The following RELN variants were observed in gnomAD, a reference collection of about 807,000 sequenced individuals.
RELN encodes reelin.
In RELN, 108 loss-of-function variants were observed where a neutral mutation model predicts 427.6. The observed-to-expected ratio is 0.25, with a 90% CI of 0.22 to 0.30. RELN has a LOEUF of 0.30. Ranked by LOEUF, RELN falls within the 10% of genes least tolerant of loss-of-function variation. RELN has a pLI of 1.00. For missense variants in RELN, 3,715 were observed against 4,302.8 expected (o/e 0.86, Z 3.82); for synonymous variants, 1,524 against 1,513.4 (o/e 1.01, Z -0.16).
Position 103,574,081 on chromosome 7 carries a change from A to G in RELN, c.4511+11T>C. Reference sequence around the variant, plus strand: ...TGTTTGTGAAAAAGTATACCAGTTAATACTTGTTACCTGATATTCCTGGTG... The same window carrying G: ...TGTTTGTGAAAAAGTATACCAGTTAGTACTTGTTACCTGATATTCCTGGTG... On this transcript the variant is annotated intron_variant, in intron 30 of 64. Transcript: ENST00000428762. The G allele has an allele frequency of 6.2e-7, 1 of 1,601,750 alleles. No individual in the cohort carries two copies. Among genetic ancestry groups the G allele is most frequent in the Non-Finnish European group, 8.6e-7 (1 of 1,168,730 alleles).
intron 3 of RELN, among the ~76,000 whole-genome samples, chr7:103,791,925 C>T (rs1248678404): frequency 6.6e-6 from 1 of 151,966 alleles, no homozygotes; most frequent in Non-Finnish European, 1.5e-5. Flanking sequence ...ACAATTTGAA[C>T]AGACATTTAT....
chr7:103,811,047 G>C (rs1472877711), intron 3 of RELN, among the ~76,000 whole-genome samples: 1 of 152,060 alleles, frequency 6.6e-6, no homozygotes, highest in African/African-American at 2.4e-5. Context: ...ATTTTGATTT[G>C]GCATTAATGT....
intron 2 of RELN, among the ~76,000 whole-genome samples, chr7:103,888,303 G>A (rs1794769653): frequency 6.6e-6 from 1 of 151,576 alleles, no homozygotes; most frequent in South Asian, 2.1e-4. Flanking sequence ...TGAAGTGAAG[G>A]TATAGAGAGA....
intron 3 of RELN, among the ~76,000 whole-genome samples, chr7:103,782,474 C>G (rs1312746778): frequency 1.3e-5 from 2 of 152,094 alleles, no homozygotes; most frequent in African/African-American, 4.8e-5. Flanking sequence ...ACTATTACTT[C>G]AAGATATTAA....
Position 103,619,420 on chromosome 7 carries a change from T to C in RELN, c.2703-7617A>G, listed in dbSNP as rs1285995524. On this transcript the variant is annotated intron_variant, in intron 20 of 64. Coordinates refer to ENST00000428762, the MANE Select transcript of RELN (RefSeq NM_005045.4). ...CCCTTCTGTTGAAGTCCAGATTCCA[T>C]TTTCAGCCCGGCCACTTGCCTGTGT... Among the ~76,000 whole-genome samples, 9 of 152,270 alleles carry C rather than the reference T, an allele frequency of 5.9e-5. No individual in the cohort carries two copies. In the South Asian group the frequency reaches 1.0e-3, roughly 18 times the overall value.
intron 58 of RELN, 131 bp from the exon 59 acceptor site, chr7:103,490,960 T>G: frequency 6.2e-6 from 5 of 805,046 alleles, no homozygotes; most frequent in Non-Finnish European, 9.9e-6. Flanking sequence ...CTATAAACAT[T>G]TATAATTACA....
Position 103,539,235 on chromosome 7 carries a change from G to A in RELN, c.7023C>T (p.Gly2341=). The A allele has an allele frequency of 6.2e-7, 1 of 1,614,244 alleles. No individual in the cohort carries two copies. Residue 2341 remains glycine, a synonymous_variant, in exon 45 of 65, where the codon GGC becomes GGT. Coordinates refer to ENST00000428762, the MANE Select transcript of RELN (RefSeq NM_005045.4). ...TAGAGCCACACACGGGCATCTTGGT[G>A]CCTCCTGGGTGAAGCAGCCATTTCC... ...DSRKWLLHPG[G]TKMPVCGSTG...
rs776037368 is a variant in RELN, at chr7:103,566,589, G to A, written c.4747+12C>T. On this transcript the variant is annotated intron_variant, in intron 32 of 64. Transcript: ENST00000428762. ...AAAAGCTACCAGAAAGCTGGAGTGA[G>A]CAGTAACTTACCATGTTGCGGTTGC... The A allele has an allele frequency of 6.2e-7, 1 of 1,613,988 alleles. No homozygotes were observed. Among genetic ancestry groups the A allele is most frequent in the Non-Finnish European group, 8.5e-7 (1 of 1,179,960 alleles).
At chr7:103,919,546 G>A (rs1795566981) in intron 1 of RELN, among the ~76,000 whole-genome samples, 1 of 152,122 alleles carries the variant, frequency 6.6e-6, no homozygotes, top group African/African-American at 2.4e-5. Flanking sequence ...GGCCCCTGCA[G>A]TTTTTGGTTT....
intron 64 of RELN, among the ~76,000 whole-genome samples, chr7:103,474,992 C>A (rs1327680005): frequency 6.6e-6 from 1 of 152,178 alleles, no homozygotes; most frequent in Non-Finnish European, 1.5e-5. Context: ...GCAGAATCCT[C>A]TTATCTATGG....
chr7:103,551,081 C>T lies in RELN; in HGVS notation c.6288G>A (p.Lys2096=), dbSNP rs1345151350. The T allele has an allele frequency of 2.5e-6, 4 of 1,613,366 alleles. No homozygotes were observed. Among genetic ancestry groups the T allele is most frequent in the Middle Eastern group, 3.3e-4 (2 of 6,030 alleles). Residue 2096 remains lysine, a synonymous_variant, in exon 41 of 65, where the codon AAG becomes AAA. Transcript: ENST00000428762. ...GWRREVVHFG[K]LHLCGSVRFR... ...CGGGTCCTTACCCACAAAGGTGCAG[C>T]TTCCCAAAGTGCACGACCTCCCTCC...
At chr7:103,785,507 G>A (rs1290604037) in intron 3 of RELN, among the ~76,000 whole-genome samples, 1 of 152,198 alleles carries the variant, frequency 6.6e-6, no homozygotes, top group Middle Eastern at 3.4e-3. Flanking sequence ...GCGGAGTTTT[G>A]CTCTAGGATG....
At chr7:103,571,725 AT>A (rs1830885741) in intron 31 of RELN, among the ~76,000 whole-genome samples, 1 of 152,200 alleles carries the variant, frequency 6.6e-6, no homozygotes, top group South Asian at 2.1e-4. Context: ...AAAAGATAAC[AT>A]TTATTATTGC....
rs1312315718 is a variant in RELN, at chr7:103,520,745, T to C, written c.7669-1229A>G. 4.6e-5 allele frequency among the ~76,000 whole-genome samples: 7 copies of C among 152,196 alleles called. No homozygotes were observed. In the East Asian group the frequency reaches 7.7e-4, roughly 17 times the overall value. On this transcript the variant is annotated intron_variant, in intron 48 of 64. Transcript: ENST00000428762. ...TACGGATTTTTTTTAGTTGAACATATGTGAAAAACTCACTTTTAGTTCTAA... is the reference window on the plus strand; with the variant it reads ...TACGGATTTTTTTTAGTTGAACATACGTGAAAAACTCACTTTTAGTTCTAA...
At chr7:103,501,178 A>G (rs931457056) in intron 52 of RELN, among the ~76,000 whole-genome samples, 1 of 152,246 alleles carries the variant, frequency 6.6e-6, no homozygotes, top group Non-Finnish European at 1.5e-5. Flanking sequence ...CTCTGTGTCA[A>G]GAAATAAATA....
chr7:103,736,171 G>A (rs1237434364), intron 6 of RELN, among the ~76,000 whole-genome samples: 2 of 152,054 alleles, frequency 1.3e-5, no homozygotes, highest in South Asian at 2.1e-4. Flanking sequence ...GACTTATTCC[G>A]AGACACTAGA....
chr7:103,681,928 T>G (rs1833660570), intron 11 of RELN, among the ~76,000 whole-genome samples, 188 bp downstream of exon 11: 1 of 152,228 alleles, frequency 6.6e-6, no homozygotes, highest in Non-Finnish European at 1.5e-5. Context: ...ATTTTTAATA[T>G]GCAAAAAATA....
intron 10 of RELN, among the ~76,000 whole-genome samples, chr7:103,695,323 A>G (rs1427198832): frequency 1.3e-5 from 2 of 152,162 alleles, no homozygotes; most frequent in African/African-American, 2.4e-5. Context: ...AGTTTTAAGA[A>G]GAAACATCAG....
Position 103,650,084 on chromosome 7 carries a change from CTT to C in RELN, c.2002+188_2002+189del, listed in dbSNP as rs5886262. On this transcript the variant is annotated intron_variant, in intron 16 of 64. Transcript: ENST00000428762. Reference sequence around the variant, plus strand: ...CATCTAATACTGCTGACTTCACTGGCTTTTTTTTTTTTTTTCCTGATTGCACA... The same window carrying C: ...CATCTAATACTGCTGACTTCACTGGCTTTTTTTTTTTTTCCTGATTGCACA... Among the ~76,000 whole-genome samples the C allele has an allele frequency of 0.25, 36,741 of 144,370 alleles. 4,910 individuals carry two copies. Among genetic ancestry groups the C allele is most frequent in the South Asian group, 0.37 (1,701 of 4,652 alleles). 94.7% of individuals were successfully genotyped at this position (144,370 alleles called of 152,430 possible). A position where few individuals can be genotyped will look rare whatever the true frequency, so the allele number is the denominator to read the frequency against.
Sources: gnomAD v4.1 joint callset for allele counts (sites outside exome capture counted in the v4.1 genomes callset) on GRCh38, gnomAD v4.1.1 for gene constraint, MANE v1.5 for transcripts, NCBI Gene and HGNC (gene_info 2026-07-23, HGNC 2026-07-21) for gene names.